TSPAN11: variants seen among roughly 807,000 people sequenced by gnomAD.
TSPAN11 encodes tetraspanin 11, also known as tetraspanin-11.
In TSPAN11, 29 loss-of-function variants were observed where a neutral mutation model predicts 32.9. The ratio of observed to expected loss-of-function variants is 0.88; its 90% CI spans 0.66 to 1.20. The LOEUF (loss-of-function observed/expected upper bound fraction) is 1.20, where lower values mean the gene tolerates loss of function less well. Among genes scored for constraint, TSPAN11 ranks in the 50% most tolerant of loss-of-function variants. The probability of loss-of-function intolerance (pLI) is 0.00; values close to 1 mark genes in which losing one functional copy is unlikely to be tolerated. For missense variants in TSPAN11, 283 were observed against 329.1 expected, an observed-to-expected ratio of 0.86 and a Z score of 1.08; for synonymous variants, 140 against 141.3, an observed-to-expected ratio of 0.99 and a Z score of 0.07.
At chr12:30,983,175 G>C (rs760019694) in intron 7 of TSPAN11, 25 bp downstream of exon 7, 1 of 1,594,462 alleles carries the variant, frequency 6.3e-7, no homozygotes, top group East Asian at 2.2e-5. Flanking sequence ...GGGGACTGGT[G>C]GGGGTGGAAG....
At chr12:31,005,480 G>A in the TSPAN11 span, among the ~76,000 whole-genome samples, 5 of 152,176 alleles carry the variant, frequency 3.3e-5, no homozygotes, top group African/African-American at 7.2e-5. Context: ...GACACCCATC[G>A]GTGGTGGGGG....
At chr12:30,957,837 CTCCT>C (rs1222730421) in intron 2 of TSPAN11, among the ~76,000 whole-genome samples, 719 of 10,886 alleles carry the variant, frequency 0.066, 164 homozygotes, top group East Asian at 0.48. Flanking sequence ...CCCTCCCTCC[CTCCT>C]TCCTTCCTTC....
chr12:30,969,771 C>T (rs7980413), intron 3 of TSPAN11, among the ~76,000 whole-genome samples: 66,168 of 152,018 alleles, frequency 0.44, 14,885 homozygotes, highest in Non-Finnish European at 0.49. Context: ...CAGCACATTC[C>T]TGGCATGTCC....
intron 2 of TSPAN11, among the ~76,000 whole-genome samples, chr12:30,957,749 C>T (rs58313930): frequency 9.6e-4 from 38 of 39,662 alleles, no homozygotes; most frequent in South Asian, 1.5e-3. Context: ...CCCTCCCTCC[C>T]TCCTTCCTTC....
chr12:30,984,341 G>A (rs1167286195), intron 7 of TSPAN11, among the ~76,000 whole-genome samples: 7 of 152,106 alleles, frequency 4.6e-5, no homozygotes, highest in Admixed American at 4.6e-4. Context: ...GCAAAATGTG[G>A]ACCATTTCCC....
intron 2 of TSPAN11, among the ~76,000 whole-genome samples, chr12:30,962,087 T>G (rs1469339822): frequency 6.6e-6 from 1 of 152,062 alleles, no homozygotes. Context: ...AGTACAATTA[T>G]AAAATACCAT....
rs1939355644 is a variant in TSPAN11 at position 30,993,365 on chromosome 12, C to T, written c.*1450C>T. On this transcript the variant is annotated 3_prime_UTR_variant, in exon 8 of 8. Coordinates refer to ENST00000546076, the MANE Select transcript of TSPAN11 (RefSeq NM_001370302.1). ...GTCCTGGGGCAGGCGTGCTCTCTCTCCCATACATAGGAGTGGCCTCAAGGC... is the reference window on the plus strand; with the variant it reads ...GTCCTGGGGCAGGCGTGCTCTCTCTTCCATACATAGGAGTGGCCTCAAGGC... The T allele has an allele frequency of 6.6e-6, 1 of 152,420 alleles. No individual in the cohort carries two copies. Among genetic ancestry groups the T allele is most frequent in the African/African-American group, 2.4e-5 (1 of 41,456 alleles). The allele number at this position is 152,420 out of a possible 1,614,324, so 9.4% of individuals were successfully genotyped here. A position where few individuals can be genotyped will look rare whatever the true frequency, so the allele number is the denominator to read the frequency against.
At chr12:30,959,561 C>T (rs1279666545) in intron 2 of TSPAN11, among the ~76,000 whole-genome samples, 1 of 151,940 alleles carries the variant, frequency 6.6e-6, no homozygotes, top group Non-Finnish European at 1.5e-5. Flanking sequence ...ACTAGGTAAC[C>T]ACACTGTTTT....
chr12:31,005,047 G>A, the TSPAN11 span, among the ~76,000 whole-genome samples: 37 of 152,342 alleles, frequency 2.4e-4, no homozygotes, highest in South Asian at 8.3e-4. Flanking sequence ...AGGCTGGTGA[G>A]TCTCATCTGA....
chr12:30,976,588 G>A (rs988736175), intron 3 of TSPAN11, among the ~76,000 whole-genome samples: 1 of 152,136 alleles, frequency 6.6e-6, no homozygotes, highest in Non-Finnish European at 1.5e-5. Flanking sequence ...GCAGACCCAG[G>A]CCCCTGTCCT....
intron 7 of TSPAN11, among the ~76,000 whole-genome samples, chr12:30,988,912 G>A (rs908585094): frequency 1.3e-5 from 2 of 152,236 alleles, no homozygotes; most frequent in Non-Finnish European, 2.9e-5. Context: ...TCCACTTTGA[G>A]GTAACTTTAG....
intron 3 of TSPAN11, among the ~76,000 whole-genome samples, chr12:30,972,578 CTG>C (rs1191547752): frequency 6.6e-6 from 1 of 152,150 alleles, no homozygotes; most frequent in Non-Finnish European, 1.5e-5. Context: ...GTGCACGGTT[CTG>C]TGTGCACACA....
At chr12:30,933,167 C>T (rs11834886) in intron 1 of TSPAN11, among the ~76,000 whole-genome samples, 3,386 of 152,286 alleles carry the variant, frequency 0.022, 127 homozygotes, top group African/African-American at 0.077. Flanking sequence ...CCAACACTGA[C>T]TGAATTCAGG....
chr12:30,957,451 AGC>A (rs1938506768), intron 2 of TSPAN11, among the ~76,000 whole-genome samples: 1 of 152,182 alleles, frequency 6.6e-6, no homozygotes, highest in Admixed American at 6.5e-5. Flanking sequence ...TTCCCGGCCA[AGC>A]AGCTTCATTG....
intron 2 of TSPAN11, among the ~76,000 whole-genome samples, chr12:30,956,675 A>G (rs1396390981): frequency 6.6e-6 from 1 of 151,932 alleles, no homozygotes; most frequent in African/African-American, 2.4e-5. Flanking sequence ...AATGTGGTCC[A>G]GGGTTTCCTC....
intron 7 of TSPAN11, among the ~76,000 whole-genome samples, chr12:30,987,795 G>A (rs1261759854): frequency 6.6e-6 from 1 of 152,236 alleles, no homozygotes; most frequent in African/African-American, 2.4e-5. Context: ...GAGATGGGGA[G>A]CAGATGCAGC....
chr12:31,000,351 C>T (rs55795342), downstream of TSPAN11, among the ~76,000 whole-genome samples: 281 of 152,322 alleles, frequency 1.8e-3, 4 homozygotes, highest in South Asian at 0.018. Flanking sequence ...CCTGTATCCC[C>T]GGCTTTCAGC....
At chr12:30,949,014 G>A (rs1054053483) in intron 1 of TSPAN11, among the ~76,000 whole-genome samples, 1 of 152,154 alleles carries the variant, frequency 6.6e-6, no homozygotes, top group African/African-American at 2.4e-5. Flanking sequence ...TCTAGGGCAC[G>A]GACAAAATGC....
chr12:30,941,626 G>T (rs1012718), intron 1 of TSPAN11, among the ~76,000 whole-genome samples: 11,954 of 152,272 alleles, frequency 0.079, 592 homozygotes, highest in Middle Eastern at 0.13. Flanking sequence ...TAGTGTTTGG[G>T]GGCCTATTGA....
Sources: allele counts gnomAD v4.1 joint callset (sites outside exome capture counted in the v4.1 genomes callset), GRCh38; gene constraint gnomAD v4.1.1; transcripts MANE v1.5; gene names NCBI Gene and HGNC (gene_info 2026-07-23, HGNC 2026-07-21).